Variants in SULT4A1 observed in about 807,000 individuals in gnomAD.
SULT4A1 encodes the protein sulfotransferase family 4A member 1, also known as sulfotransferase 4A1.
A neutral mutation model predicts 35.2 loss-of-function variants in SULT4A1; 11 were observed. That is an observed-to-expected ratio of 0.31 (90% CI 0.20 to 0.52). The LOEUF (loss-of-function observed/expected upper bound fraction) is 0.52, where lower values mean the gene tolerates loss of function less well. Among genes scored for constraint, SULT4A1 ranks in the 20% least tolerant of loss-of-function variants. The pLI, the probability that SULT4A1 is intolerant of heterozygous loss-of-function variation, is 0.97. For synonymous variants in SULT4A1, 152 were observed against 151.8 expected (o/e 1.00, Z -0.01); for missense variants, 271 against 383.7 (o/e 0.71, Z 2.45).
intron 1 of SULT4A1, among the ~76,000 whole-genome samples, chr22:43,844,984 C>T (rs2063463642): frequency 6.6e-6 from 1 of 152,152 alleles, no homozygotes; most frequent in Non-Finnish European, 1.5e-5. Flanking sequence ...GCAGGACACC[C>T]AACCAGAAGT....
chr22:43,857,643 C>T (rs1250789189), intron 1 of SULT4A1, among the ~76,000 whole-genome samples: 1 of 152,124 alleles, frequency 6.6e-6, no homozygotes, highest in Non-Finnish European at 1.5e-5. Flanking sequence ...CCTAGACATA[C>T]CATATTCAAA....
At chr22:43,841,677 G>A (rs2063430445) in intron 2 of SULT4A1, 125 bp downstream of exon 2, 6 of 1,426,570 alleles carry the variant, frequency 4.2e-6, no homozygotes, top group African/African-American at 2.8e-5. Context: ...TTCTCCCCTG[G>A]CTATCTGGGG....
At chr22:43,858,620 T>C (rs1336800481) in intron 1 of SULT4A1, among the ~76,000 whole-genome samples, 2 of 152,186 alleles carry the variant, frequency 1.3e-5, no homozygotes, top group Non-Finnish European at 2.9e-5. Flanking sequence ...AACACTTTGT[T>C]ACCCTGTGTG....
chr22:43,830,745 G>A (rs992147301), intron 5 of SULT4A1, among the ~76,000 whole-genome samples: 11 of 152,160 alleles, frequency 7.2e-5, no homozygotes, highest in Non-Finnish European at 5.9e-5. Context: ...TGCCCGGCTC[G>A]TGGGAAAGGG....
chr22:43,844,983 C>T (rs554928526), intron 1 of SULT4A1, among the ~76,000 whole-genome samples: 1 of 152,260 alleles, frequency 6.6e-6, no homozygotes, highest in South Asian at 2.1e-4. Context: ...GGCAGGACAC[C>T]CAACCAGAAG....
chr22:43,829,848 C>A (rs549794106), intron 5 of SULT4A1, among the ~76,000 whole-genome samples: 6 of 152,214 alleles, frequency 3.9e-5, no homozygotes, highest in East Asian at 1.9e-4. Context: ...CCTAGAGGTG[C>A]CTTGGTCCCA....
chr22:43,860,678 A>G (rs1364123136), intron 1 of SULT4A1, among the ~76,000 whole-genome samples: 1 of 150,016 alleles, frequency 6.7e-6, no homozygotes, highest in African/African-American at 2.4e-5. Context: ...AAGGAAAGGA[A>G]AAGAAAATAT....
intron 1 of SULT4A1, among the ~76,000 whole-genome samples, chr22:43,845,626 C>T (rs1028419815): frequency 1.3e-4 from 20 of 152,196 alleles, no homozygotes; most frequent in Non-Finnish European, 2.9e-5. Flanking sequence ...ACCCAGCTCA[C>T]TCTGCCTTCT....
At chr22:43,853,862 G>A (rs970336867) in intron 1 of SULT4A1, among the ~76,000 whole-genome samples, 5 of 152,222 alleles carry the variant, frequency 3.3e-5, no homozygotes, top group African/African-American at 1.2e-4. Context: ...AAGAGGCTCC[G>A]CCCCAGGGGG....
rs1430385985 is a variant in SULT4A1 at position 43,826,662 on chromosome 22, C to A, written c.743-549G>T. 12 of 985,294 alleles carry A rather than the reference C, an allele frequency of 1.2e-5. No homozygotes were observed. The East Asian group carries it at 1.4e-3, about 112-fold the overall frequency. 61.0% of individuals were successfully genotyped at this position (985,294 alleles called of 1,614,324 possible). ...CATTCAAAGTGCAGAAAATTTTACA[C>A]TAAGTAGGAAGCCCTCCTGACTGGG... On this transcript the variant is annotated intron_variant, in intron 6 of 6. Coordinates refer to ENST00000330884, the MANE Select transcript of SULT4A1 (RefSeq NM_014351.4).
chr22:43,828,127 G>A (rs960988525), intron 6 of SULT4A1, among the ~76,000 whole-genome samples: 15 of 152,190 alleles, frequency 9.9e-5, no homozygotes, highest in African/African-American at 3.6e-4. Flanking sequence ...TCTCTCATCC[G>A]CCCCAGGCAT....
At chr22:43,833,879 G>C (rs1435926398) in intron 4 of SULT4A1, 145 bp from the exon 5 acceptor site, 1 of 683,208 alleles carries the variant, frequency 1.5e-6, no homozygotes, top group Non-Finnish European at 2.5e-6. Context: ...GTCTGGCAAA[G>C]GCCCCCGAGG....
intron 1 of SULT4A1, among the ~76,000 whole-genome samples, chr22:43,854,890 C>G (rs1344539588): frequency 1.3e-5 from 2 of 152,254 alleles, no homozygotes; most frequent in African/African-American, 4.8e-5. Flanking sequence ...AGCACACCCG[C>G]TCACATGCCT....
At chr22:43,835,528 C>A (rs1274899068) in intron 4 of SULT4A1, among the ~76,000 whole-genome samples, 2 of 152,248 alleles carry the variant, frequency 1.3e-5, no homozygotes, top group African/African-American at 2.4e-5. Context: ...CCAATTTCTG[C>A]AGAATAAAGC....
chr22:43,833,445 C>A (rs2063338897), intron 5 of SULT4A1, among the ~76,000 whole-genome samples, 195 bp downstream of exon 5: 1 of 151,968 alleles, frequency 6.6e-6, no homozygotes, highest in South Asian at 2.1e-4. Flanking sequence ...TGCCCTGCCA[C>A]ACCTCAGGCT....
At chr22:43,838,513 C>T (rs2063395948) in intron 4 of SULT4A1, among the ~76,000 whole-genome samples, 1 of 152,272 alleles carries the variant, frequency 6.6e-6, no homozygotes, top group Non-Finnish European at 1.5e-5. Context: ...CTATCACTAA[C>T]AGTAGTGATA....
chr22:43,851,984 C>A (rs117796752), intron 1 of SULT4A1, among the ~76,000 whole-genome samples: 3 of 152,318 alleles, frequency 2.0e-5, no homozygotes, highest in Admixed American at 6.5e-5. Context: ...TAATCCACCA[C>A]GCCCTCCTCT....
intron 1 of SULT4A1, among the ~76,000 whole-genome samples, chr22:43,855,138 C>T (rs146289240): frequency 6.6e-6 from 1 of 152,326 alleles, no homozygotes; most frequent in African/African-American, 2.4e-5. Context: ...GAGGCACTGA[C>T]CCCACTCATG....
At chr22:43,831,682 G>A (rs769005690) in intron 5 of SULT4A1, among the ~76,000 whole-genome samples, 1 of 152,236 alleles carries the variant, frequency 6.6e-6, no homozygotes, top group Non-Finnish European at 1.5e-5. Flanking sequence ...CGCCATCTGC[G>A]CAGAAGCCAG....
Sources: gnomAD v4.1 joint callset for allele counts (sites outside exome capture counted in the v4.1 genomes callset) on GRCh38, gnomAD v4.1.1 for gene constraint, MANE v1.5 for transcripts, NCBI Gene and HGNC (gene_info 2026-07-23, HGNC 2026-07-21) for gene names.